Variants in WNK2 observed in about 807,000 individuals in gnomAD.
The protein encoded by WNK2 is WNK lysine deficient protein kinase 2, also known as serine/threonine-protein kinase WNK2.
A neutral mutation model predicts 192.1 loss-of-function variants in WNK2; 67 were observed. The observed-to-expected ratio is 0.35, with a 90% CI of 0.29 to 0.43. The LOEUF (loss-of-function observed/expected upper bound fraction) is 0.43. Ranked by LOEUF, WNK2 falls within the 20% of genes least tolerant of loss-of-function variation. The probability of loss-of-function intolerance (pLI) is 1.00; values close to 1 mark genes in which losing one functional copy is unlikely to be tolerated. For synonymous variants in WNK2, 1,439 were observed against 1,393.9 expected (o/e 1.03, Z -0.72); for missense variants, 2,698 against 3,089.7 (o/e 0.87, Z 3.01).
chr9:93,218,424 T>G (rs1465143103), intron 2 of WNK2, among the ~76,000 whole-genome samples: 1 of 152,128 alleles, frequency 6.6e-6, no homozygotes, highest in Non-Finnish European at 1.5e-5. Context: ...GGTGGCCGCC[T>G]GGCCTGTGCC....
chr9:93,195,743 T>C (rs77515149), intron 2 of WNK2, among the ~76,000 whole-genome samples: 1 of 81,190 alleles, frequency 1.2e-5, no homozygotes, highest in African/African-American at 4.5e-5. Flanking sequence ...TGAAAAAAAA[T>C]ATCAACCATA....
At chr9:93,265,844 C>G (rs1166423249) in intron 16 of WNK2, among the ~76,000 whole-genome samples, 1 of 152,186 alleles carries the variant, frequency 6.6e-6, no homozygotes, top group Non-Finnish European at 1.5e-5. Flanking sequence ...TTGTGTGTCT[C>G]TGTGTGTGAG....
chr9:93,286,541 G>C (rs1307619972), intron 19 of WNK2, among the ~76,000 whole-genome samples: 1 of 152,218 alleles, frequency 6.6e-6, no homozygotes, highest in Non-Finnish European at 1.5e-5. Flanking sequence ...GTGGAGAGAG[G>C]GGACCTTTGT....
chr9:93,307,080 G>C, intron 27 of WNK2: 1 of 542,292 alleles, frequency 1.8e-6, no homozygotes, highest in Non-Finnish European at 3.3e-6. Context: ...TCCTTCCCCG[G>C]AACACCCGCA....
chr9:93,236,268 C>A (rs1474400805), intron 5 of WNK2, among the ~76,000 whole-genome samples: 1 of 152,056 alleles, frequency 6.6e-6, no homozygotes, highest in Non-Finnish European at 1.5e-5. Context: ...TGAAGCTGTC[C>A]CAGGGGCTGG....
intron 12 of WNK2, among the ~76,000 whole-genome samples, chr9:93,261,580 T>G (rs945376381): frequency 1.3e-5 from 2 of 152,206 alleles, no homozygotes; most frequent in Admixed American, 6.5e-5. Context: ...TTCCTGGCCT[T>G]TGCACACAAG....
chr9:93,287,692 TTAA>T (rs1848653913), intron 19 of WNK2, among the ~76,000 whole-genome samples: 1 of 152,204 alleles, frequency 6.6e-6, no homozygotes, highest in Non-Finnish European at 1.5e-5. Flanking sequence ...CAGGGTCCTA[TTAA>T]TCTCCCCATT....
At chr9:93,282,605 CATA>C (rs1320482196) in intron 19 of WNK2, among the ~76,000 whole-genome samples, 3 of 151,970 alleles carry the variant, frequency 2.0e-5, no homozygotes, top group Non-Finnish European at 4.4e-5. Context: ...AAGGCAAAAA[CATA>C]ATGGTGAAAG....
intron 2 of WNK2, among the ~76,000 whole-genome samples, chr9:93,215,363 G>A (rs1428579021): frequency 6.6e-6 from 1 of 152,094 alleles, no homozygotes; most frequent in Non-Finnish European, 1.5e-5. Context: ...ACCCACCTCG[G>A]CCTCCCATAG....
In WNK2 at chr9:93,268,736, A is replaced by G. The variant is rs1261513108; in HGVS notation, c.4023A>G (p.Glu1341=). 1.2e-6 allele frequency: 2 copies of G among 1,612,692 alleles called. No homozygotes were observed. Among genetic ancestry groups the G allele is most frequent in the Non-Finnish European group, 1.7e-6 (2 of 1,179,602 alleles). Residue 1341 remains glutamate (E), a synonymous_variant, in exon 19 of 30, where the codon GAA becomes GAG. Transcript: ENST00000427277. ...PPLPLSSLPP[E]ASQDSAPYKD... Reference sequence around the variant, plus strand: ...TTCCTCTAAGCTCCCTGCCGCCAGAAGCCAGCCAAGGTATGAGCAGCAGGC... The same window carrying G: ...TTCCTCTAAGCTCCCTGCCGCCAGAGGCCAGCCAAGGTATGAGCAGCAGGC...
intron 25 of WNK2, 147 bp downstream of exon 25, chr9:93,299,408 AAAG>A (rs1383277486): frequency 2.3e-6 from 2 of 856,744 alleles, no homozygotes; most frequent in Non-Finnish European, 3.4e-6. Flanking sequence ...ATAAAAAAAA[AAAG>A]GTGTAGTCTT....
At chr9:93,208,399 T>A (rs1258425458) in intron 2 of WNK2, among the ~76,000 whole-genome samples, 1 of 152,232 alleles carries the variant, frequency 6.6e-6, no homozygotes, top group Non-Finnish European at 1.5e-5. Context: ...TTTTTGTGTG[T>A]CCTGCCATTT....
intron 2 of WNK2, 79 bp downstream of exon 2, chr9:93,185,689 C>A: frequency 6.6e-7 from 1 of 1,508,058 alleles, no homozygotes; most frequent in Non-Finnish European, 8.9e-7. Context: ...CTTGCTCCTG[C>A]GCCTGGCCTT....
chr9:93,235,055 CATCCTGG>C (rs1218045811), intron 5 of WNK2, 90 bp downstream of exon 5: 1 of 1,496,238 alleles, frequency 6.7e-7, no homozygotes. Flanking sequence ...TCTGTAAAGC[CATCCTGG>C]CAGCTGTGTA....
At chr9:93,193,380 G>T (rs994047897) in intron 2 of WNK2, among the ~76,000 whole-genome samples, 29 of 152,156 alleles carry the variant, frequency 1.9e-4, no homozygotes, top group Admixed American at 1.9e-3. Context: ...GCACACAGGG[G>T]CCTCAGGTCA....
chr9:93,270,217 A>C lies in WNK2; in HGVS notation c.4033+1471A>C, dbSNP rs191772392. Among the ~76,000 whole-genome samples the C allele has an allele frequency of 7.9e-5, 12 of 152,352 alleles. No homozygotes were observed. The East Asian group carries it at 2.3e-3, about 29-fold the overall frequency. On this transcript the variant is annotated intron_variant, in intron 19 of 29. Coordinates refer to ENST00000427277, the MANE Select transcript of WNK2 (RefSeq NM_006648.4). ...CAGAGAGAGGAGCCCACCTCAGAGCATCTCAGCCCCTCATTAGGACGGTCT... is the reference window on the plus strand; with the variant it reads ...CAGAGAGAGGAGCCCACCTCAGAGCCTCTCAGCCCCTCATTAGGACGGTCT...
At position 93,234,833 on chromosome 9, in the gene WNK2, G is replaced by A. The variant is rs1419932780; in HGVS notation, c.1101G>A (p.Glu367=). Residue 367 remains glutamate, a synonymous_variant, in exon 5 of 30, where the codon GAG becomes GAA. Transcript: ENST00000427277. ...GTACTCCCGAGTTCATGGCGCCCGAGATGTACGAGGAGCACTACGATGAGT... is the reference window on the plus strand; with the variant it reads ...GTACTCCCGAGTTCATGGCGCCCGAAATGTACGAGGAGCACTACGATGAGT... ...VIGTPEFMAP[E]MYEEHYDESV... is the part of the protein sequence containing the mutation. 6.2e-7 allele frequency: 1 copy of A among 1,613,886 alleles called. No individual in the cohort carries two copies. Among genetic ancestry groups the A allele is most frequent in the Non-Finnish European group, 8.5e-7 (1 of 1,179,778 alleles).
At chr9:93,197,906 T>A (rs1389658487) in intron 2 of WNK2, among the ~76,000 whole-genome samples, 1 of 152,058 alleles carries the variant, frequency 6.6e-6, no homozygotes, top group Non-Finnish European at 1.5e-5. Flanking sequence ...GCTAGGCTGG[T>A]CCCTGTGGGG....
At position 93,259,469 on chromosome 9, in the gene WNK2, G is replaced by C; in HGVS notation, c.2921G>C (p.Arg974Pro). The C allele has an allele frequency of 9.1e-7, 1 of 1,104,204 alleles. No individual in the cohort carries two copies. The highest frequency in any genetic ancestry group is 1.2e-6 in the Non-Finnish European group (1 of 851,266). 68.4% of individuals were successfully genotyped at this position (1,104,204 alleles called of 1,614,324 possible). Reference sequence around the variant, plus strand: ...CCTGTGTTGCCCCCGCAACCCACACGGCCCCCTCAACCTGTGCTGCCCCCG... The same window carrying C: ...CCTGTGTTGCCCCCGCAACCCACACCGCCCCCTCAACCTGTGCTGCCCCCG... ...PQPVLPPQPTRPPQPVLPPQP... is the reference protein window; with the variant it reads ...PQPVLPPQPTPPPQPVLPPQP... The change falls in exon 12 of 30, where the codon CGG (arginine) becomes CCG (proline). Residue 974 changes from arginine to proline, a missense_variant. Physicochemically the swap from Arg to Pro is moderately radical, Grantham distance 103. Coordinates refer to ENST00000427277, the MANE Select transcript of WNK2 (RefSeq NM_006648.4). This position sits in a 1 kb window ranked among gnomAD's most constrained non-coding sequence, Gnocchi z 4.8.
Sources: allele counts gnomAD v4.1 joint callset (sites outside exome capture counted in the v4.1 genomes callset), GRCh38; gene constraint gnomAD v4.1.1; non-coding constraint Gnocchi (gnomAD v3.1); transcripts MANE v1.5; gene names NCBI Gene and HGNC (gene_info 2026-07-23, HGNC 2026-07-21).